The following XIRP2 variants were observed in gnomAD, a reference collection of about 807,000 sequenced individuals.
XIRP2 encodes xin actin-binding repeat-containing protein 2.
XIRP2 carries 236 observed loss-of-function variants against 277.0 expected under a neutral mutation model. The observed-to-expected ratio is 0.85, with a 90% CI of 0.77 to 0.95. The LOEUF (loss-of-function observed/expected upper bound fraction) is 0.95. Among genes scored for constraint, XIRP2 ranks in the 40% least tolerant of loss-of-function variants. XIRP2 has a pLI of 0.00. For synonymous variants in XIRP2, 1,490 were observed against 1,416.5 expected (o/e 1.05, Z -1.17); for missense variants, 4,640 against 4,157.5 (o/e 1.12, Z -3.19).
At chr2:167,199,563 T>C (rs981020803) in intron 3 of XIRP2, among the ~76,000 whole-genome samples, 2 of 152,194 alleles carry the variant, frequency 1.3e-5, no homozygotes, top group Admixed American at 6.5e-5. Context: ...CATCTACCAA[T>C]GCACTGCTTT....
At chr2:167,181,587 C>A (rs997938236) in intron 3 of XIRP2, among the ~76,000 whole-genome samples, 7 of 135,780 alleles carry the variant, frequency 5.2e-5, no homozygotes, top group Non-Finnish European at 1.0e-4. Context: ...TCTGGACCTG[C>A]ACCATTTTTT....
chr2:166,982,124 T>C (rs1686885362), intron 2 of XIRP2, among the ~76,000 whole-genome samples: 1 of 152,108 alleles, frequency 6.6e-6, no homozygotes, highest in Admixed American at 6.5e-5. Context: ...CATAGAATTT[T>C]GGATAACTTT....
intron 3 of XIRP2, among the ~76,000 whole-genome samples, chr2:167,152,320 G>A (rs1389642552): frequency 6.6e-6 from 1 of 151,946 alleles, no homozygotes; most frequent in African/African-American, 2.4e-5. Context: ...GAGGAATCTA[G>A]AACAGATTTT....
chr2:167,201,250 GAAAGAA>G (rs1559018376), intron 3 of XIRP2, among the ~76,000 whole-genome samples: 1 of 92,814 alleles, frequency 1.1e-5, no homozygotes, highest in Non-Finnish European at 1.9e-5. Flanking sequence ...AAGAAAGAAA[GAAAGAA>G]AGAAAGAGAG....
chr2:167,081,908 T>C (rs1689747143), intron 2 of XIRP2, among the ~76,000 whole-genome samples: 1 of 152,016 alleles, frequency 6.6e-6, no homozygotes, highest in Non-Finnish European at 1.5e-5. Context: ...CTAGAAGTAG[T>C]AGAATCATAC....
intron 2 of XIRP2, among the ~76,000 whole-genome samples, chr2:167,086,262 A>G (rs1326525587): frequency 2.6e-5 from 4 of 151,984 alleles, no homozygotes; most frequent in South Asian, 2.1e-4. Flanking sequence ...AGAATGTTGG[A>G]TATTGGCCCC....
chr2:167,083,532 G>T (rs200801849), intron 2 of XIRP2, among the ~76,000 whole-genome samples: 1,909 of 152,164 alleles, frequency 0.013, 49 homozygotes, highest in African/African-American at 0.044. Flanking sequence ...AATTACCTTG[G>T]GCAGTATGGC....
At chr2:167,240,807 T>TGTGCTTTGGAAGTCA in intron 7 of XIRP2, 71 bp downstream of exon 7, 3 of 1,369,294 alleles carry the variant, frequency 2.2e-6, no homozygotes, top group Non-Finnish European at 3.1e-6. Context: ...AATGGATGAC[T>TGTGCTTTGGAAGTCA]TCCAAAGCAC....
At chr2:167,150,639 T>C (rs1264633766) in intron 3 of XIRP2, among the ~76,000 whole-genome samples, 2 of 151,984 alleles carry the variant, frequency 1.3e-5, no homozygotes, top group Non-Finnish European at 2.9e-5. Flanking sequence ...GTTGTTGTGT[T>C]TTATTTAACA....
Position 167,248,663 on chromosome 2 carries a change from T to C in XIRP2, c.7271T>C (p.Leu2424Ser). 2 of 1,613,638 alleles carry C rather than the reference T, an allele frequency of 1.2e-6. No homozygotes were observed. The highest frequency in any genetic ancestry group is 1.7e-6 in the Non-Finnish European group (2 of 1,179,802). The stretch of plus-strand genomic sequence containing the variant: ...ACCGGTGTGTTGCCACCTCCCACAT[T>C]GCCCAAACCCAAACTTCCCAAGCAT... The part of the protein sequence containing the change: ...GKTGVLPPPT[L>S]PKPKLPKHIK... Residue 2424 changes from leucine (L) to serine (S), a missense_variant, in exon 9 of 11, where the codon TTG becomes TCG. By Grantham distance (145) the Leu-to-Ser change is moderately radical (BLOSUM62 -2). Transcript: ENST00000409195.
chr2:167,027,051 G>C (rs940871875), intron 2 of XIRP2, among the ~76,000 whole-genome samples: 1 of 152,068 alleles, frequency 6.6e-6, no homozygotes, highest in Admixed American at 6.6e-5. Flanking sequence ...ATGTTGGCCT[G>C]CCTTTATAGA....
At chr2:167,057,625 CA>C (rs1454319217) in intron 2 of XIRP2, among the ~76,000 whole-genome samples, 3 of 152,148 alleles carry the variant, frequency 2.0e-5, no homozygotes, top group African/African-American at 7.2e-5. Flanking sequence ...CAGTTTCAAT[CA>C]TCTACAATAG....
intron 3 of XIRP2, among the ~76,000 whole-genome samples, chr2:167,157,137 C>T (rs1292078907): frequency 6.6e-6 from 1 of 151,088 alleles, no homozygotes; most frequent in Admixed American, 6.6e-5. Context: ...TGGGAACAGG[C>T]ATTGTCAATA....
intron 2 of XIRP2, among the ~76,000 whole-genome samples, chr2:166,982,411 G>T (rs1686897165): frequency 1.4e-5 from 2 of 147,258 alleles, no homozygotes; most frequent in African/African-American, 5.0e-5. Context: ...TAAATTTTTG[G>T]TACCAATTTC....
At chr2:166,967,107 T>G (rs1686453874) in intron 2 of XIRP2, among the ~76,000 whole-genome samples, 1 of 151,916 alleles carries the variant, frequency 6.6e-6, no homozygotes, top group Non-Finnish European at 1.5e-5. Flanking sequence ...TTACCCTTCA[T>G]AGTTGTCAGA....
intron 1 of XIRP2, among the ~76,000 whole-genome samples, chr2:166,892,874 GTGTATATA>G (rs1443511521): frequency 6.7e-6 from 1 of 148,190 alleles, no homozygotes; most frequent in South Asian, 2.1e-4. Context: ...ATATGTATGT[GTGTATATA>G]TGTATATATG....
chr2:166,897,525 A>G (rs1045087143), intron 1 of XIRP2, among the ~76,000 whole-genome samples: 2 of 152,164 alleles, frequency 1.3e-5, no homozygotes, highest in Admixed American at 1.3e-4. Flanking sequence ...CAATCAGGAA[A>G]AAGAAGCCAC....
rs79238180 is a variant in XIRP2, at chr2:167,183,866, A to G, written c.563-26869A>G. ...CTGCAGATTGTGACCTTCGTCAGAG[A>G]TATTAAATCTTTCCTCTGCTGAGCA... On this transcript the variant is annotated intron_variant, in intron 3 of 10. Coordinates refer to ENST00000409195, the MANE Select transcript of XIRP2 (RefSeq NM_152381.6). 3.2e-3 allele frequency among the ~76,000 whole-genome samples: 492 copies of G among 152,266 alleles called. 13 individuals are homozygous for G. The East Asian group carries it at 0.061, about 19-fold the overall frequency.
intron 3 of XIRP2, among the ~76,000 whole-genome samples, chr2:167,160,699 G>A (rs73019965): frequency 0.099 from 15,048 of 152,096 alleles, 798 homozygotes; most frequent in South Asian, 0.16. Flanking sequence ...ATGAGAATTC[G>A]AGTTGAGATT....
Sources: allele counts gnomAD v4.1 joint callset (sites outside exome capture counted in the v4.1 genomes callset), GRCh38; gene constraint gnomAD v4.1.1; transcripts MANE v1.5; gene names NCBI Gene and HGNC (gene_info 2026-07-23, HGNC 2026-07-21).